Variants in DHX30 observed in about 807,000 individuals in gnomAD.
DHX30 encodes ATP-dependent RNA helicase DHX30.
A neutral mutation model predicts 116.9 loss-of-function variants in DHX30; 4 were observed. The observed-to-expected ratio is 0.03, with a 90% CI of 0.02 to 0.08. The LOEUF is 0.08. Among genes scored for constraint, DHX30 ranks in the 10% least tolerant of loss-of-function variants. The pLI, the probability that DHX30 is intolerant of heterozygous loss-of-function variation, is 1.00. For synonymous variants in DHX30, 697 were observed against 651.7 expected (o/e 1.07, Z -1.06); for missense variants, 871 against 1,595.1 (o/e 0.55, Z 7.73).
intron 8 of DHX30, chr3:47,841,974 C>G: frequency 1.8e-6 from 1 of 553,830 alleles, no homozygotes; most frequent in Non-Finnish European, 3.2e-6. Flanking sequence ...CATACCTCTT[C>G]TGGGCGGTGG....
intron 6 of DHX30, among the ~76,000 whole-genome samples, chr3:47,833,405 G>C (rs564755640): frequency 1.3e-5 from 2 of 151,732 alleles, no homozygotes; most frequent in Non-Finnish European, 2.9e-5. Flanking sequence ...GGTGGTGTTT[G>C]CCTGTAGTCC....
intron 2 of DHX30, among the ~76,000 whole-genome samples, chr3:47,807,743 T>C (rs936405055): frequency 1.4e-5 from 2 of 147,632 alleles, no homozygotes; most frequent in Non-Finnish European, 3.0e-5. Flanking sequence ...ATCAAGAGTC[T>C]ATTTGCAAGC....
intron 2 of DHX30, 84 bp downstream of exon 2, chr3:47,805,504 T>C: frequency 2.5e-6 from 1 of 398,000 alleles, no homozygotes; most frequent in Non-Finnish European, 4.4e-6. Context: ...GTTAAACCTA[T>C]TTCTGACCAT....
intron 6 of DHX30, among the ~76,000 whole-genome samples, chr3:47,835,238 A>G (rs1378555703): frequency 3.4e-5 from 5 of 149,052 alleles, no homozygotes; most frequent in Middle Eastern, 3.5e-3. Context: ...CAGTGGCGCA[A>G]TCTCAACTCA....
Position 47,848,283 on chromosome 3 carries a change from G to A in DHX30, c.2390G>A (p.Arg797Gln), listed in dbSNP as rs747021795. ...QSGFAYHLFPRSRLEKMVPFQ... is the reference protein window; with the variant it reads ...QSGFAYHLFPQSRLEKMVPFQ... ...GGCTTTGCCTACCACTTGTTCCCTC[G>A]AAGCCGGCTGGAGAAAATGGTCCCT... The change falls in exon 15 of 22, where the codon CGA (arginine) becomes CAA (glutamine). Residue 797 changes from arginine to glutamine, a missense_variant. This residue lies in a region of DHX30 where 14 missense variants were observed against 16.2 expected (regional missense o/e 0.86). Coordinates refer to ENST00000445061, the MANE Select transcript of DHX30 (RefSeq NM_138615.3). This position sits in a 1 kb window ranked among gnomAD's most constrained non-coding sequence, Gnocchi z 9.4. 2 of 1,613,802 alleles carry A rather than the reference G, an allele frequency of 1.2e-6. No homozygotes were observed. The highest frequency in any genetic ancestry group is 1.7e-6 in the Non-Finnish European group (2 of 1,179,970).
rs1427327061 is a variant in DHX30, at chr3:47,844,337, T to C, written c.939+1082T>C. ...TGTGACTCGAGGGCAGAACAAGGAC[T>C]GAGTAGAACTGGAGGCATCTGAGCT... On this transcript the variant is annotated intron_variant, in intron 9 of 21. Transcript: ENST00000445061. Among the ~76,000 whole-genome samples the C allele has an allele frequency of 2.6e-5, 4 of 152,330 alleles. No homozygotes were observed. The East Asian group carries it at 7.7e-4, about 29-fold the overall frequency.
intron 6 of DHX30, among the ~76,000 whole-genome samples, 180 bp downstream of exon 6, chr3:47,829,314 ATT>A (rs10683438): frequency 2.6e-4 from 9 of 34,188 alleles, no homozygotes; most frequent in Admixed American, 1.3e-3. Context: ...ATATATATAT[ATT>A]TTTTTTTTTT....
chr3:47,803,309 C>T (rs970153139), intron 1 of DHX30, 97 bp downstream of exon 1: 21 of 386,448 alleles, frequency 5.4e-5, no homozygotes, highest in Non-Finnish European at 7.8e-5. Context: ...GTCCGACCGC[C>T]AGCCTGGCGG....
At chr3:47,834,400 G>A (rs1387034330) in intron 6 of DHX30, among the ~76,000 whole-genome samples, 1 of 152,106 alleles carries the variant, frequency 6.6e-6, no homozygotes, top group Non-Finnish European at 1.5e-5. Flanking sequence ...CACTACTCCT[G>A]GCCCATGTGG....
At position 47,847,968 on chromosome 3, in the gene DHX30, CT is replaced by C. The variant is rs1559723180; in HGVS notation, c.2286+13del. On this transcript the variant is annotated intron_variant, in intron 14 of 21. Coordinates refer to ENST00000445061, the MANE Select transcript of DHX30 (RefSeq NM_138615.3). The surrounding 1 kb of genome is among the most constrained non-coding windows in gnomAD (Gnocchi z 5.5). ...ACCTGAAGACCAAGGTGGCACCTACCTCCTGGGCCCGGCCAACCACTGGGGG... is the reference window on the plus strand; with the variant it reads ...ACCTGAAGACCAAGGTGGCACCTACCCCTGGGCCCGGCCAACCACTGGGGG... 5.0e-6 allele frequency: 8 copies of C among 1,611,516 alleles called. No individual in the cohort carries two copies. The East Asian group carries it at 1.8e-4, about 36-fold the overall frequency.
In DHX30 at chr3:47,847,054, C is replaced by T; in HGVS notation, c.1929+53C>T. 3 of 1,569,204 alleles carry T rather than the reference C, an allele frequency of 1.9e-6. 1 individual carries two copies. In the South Asian group the frequency reaches 3.5e-5, roughly 18 times the overall value. On this transcript the variant is annotated intron_variant, in intron 11 of 21. Transcript: ENST00000445061. The surrounding 1 kb of genome is among the most constrained non-coding windows in gnomAD (Gnocchi z 5.5). ...GCTCCTGGCCTTTCCTCCGTGGATGCCCCTCCTCCCTGGCCCTGGGGCTTG... is the reference window on the plus strand; with the variant it reads ...GCTCCTGGCCTTTCCTCCGTGGATGTCCCTCCTCCCTGGCCCTGGGGCTTG...
intron 3 of DHX30, among the ~76,000 whole-genome samples, chr3:47,814,645 C>A (rs973971521): frequency 6.6e-6 from 1 of 151,502 alleles, no homozygotes; most frequent in Admixed American, 6.6e-5. Flanking sequence ...CTCAGCCTCC[C>A]GAGTAGCTGG....
intron 3 of DHX30, among the ~76,000 whole-genome samples, chr3:47,813,132 A>G (rs1206607882): frequency 6.6e-6 from 1 of 151,668 alleles, no homozygotes; most frequent in African/African-American, 2.4e-5. Flanking sequence ...AGGTCAGGAG[A>G]TTGAGACCAT....
intron 3 of DHX30, chr3:47,816,439 C>T: frequency 1.0e-6 from 1 of 978,094 alleles, no homozygotes; most frequent in Non-Finnish European, 1.2e-6. Context: ...CTCACTGCAT[C>T]CTCCGCCTCC....
chr3:47,813,767 G>A (rs1319893077), intron 3 of DHX30, among the ~76,000 whole-genome samples: 2 of 152,154 alleles, frequency 1.3e-5, no homozygotes, highest in African/African-American at 4.8e-5. Flanking sequence ...CCATTGAATG[G>A]GGCCAGAAGG....
At chr3:47,840,823 C>T (rs778594743) in intron 6 of DHX30, 54 bp from the exon 7 acceptor site, 21 of 1,608,398 alleles carry the variant, frequency 1.3e-5, no homozygotes, top group African/African-American at 9.4e-5. Flanking sequence ...CGGACCAGGC[C>T]GACTGAGGTG....
chr3:47,804,318 G>A (rs2035425626), intron 1 of DHX30, among the ~76,000 whole-genome samples: 1 of 152,200 alleles, frequency 6.6e-6, no homozygotes, highest in Non-Finnish European at 1.5e-5. Flanking sequence ...ACTTTGGGAG[G>A]CCGAGGCGGG....
rs774026389 is a variant in DHX30, at chr3:47,840,869, C to G, written c.367-8C>G. Reference sequence around the variant, plus strand: ...ATCAATCCTTAAAACGTCCCTTTTCCCCTCCAGGGTTGGGGTCTGCTAGGT... The same window carrying G: ...ATCAATCCTTAAAACGTCCCTTTTCGCCTCCAGGGTTGGGGTCTGCTAGGT... On this transcript the variant is annotated splice_polypyrimidine_tract_variant and splice_region_variant and intron_variant, in intron 6 of 21. Coordinates refer to ENST00000445061, the MANE Select transcript of DHX30 (RefSeq NM_138615.3). 7 of 1,614,076 alleles carry G rather than the reference C, an allele frequency of 4.3e-6. No homozygotes were observed. In the East Asian group the frequency reaches 1.3e-4, roughly 31 times the overall value.
chr3:47,805,830 T>C (rs2035489268), intron 2 of DHX30, among the ~76,000 whole-genome samples: 1 of 151,918 alleles, frequency 6.6e-6, no homozygotes, highest in African/African-American at 2.4e-5. Flanking sequence ...CATGAGCCAC[T>C]GTGCCCAGCC....
Sources: allele counts gnomAD v4.1 joint callset (sites outside exome capture counted in the v4.1 genomes callset), GRCh38; gene constraint gnomAD v4.1.1; regional missense constraint gnomAD v4.1.1; non-coding constraint Gnocchi (gnomAD v3.1); transcripts MANE v1.5; gene names NCBI Gene and HGNC (gene_info 2026-07-23, HGNC 2026-07-21).